ADGRV1: variants seen among roughly 807,000 people sequenced by gnomAD.
The protein encoded by ADGRV1 is adhesion G protein-coupled receptor V1.
ADGRV1 carries 359 observed loss-of-function variants against 596.2 expected under a neutral mutation model. The observed-to-expected ratio is 0.60, with a 90% CI of 0.55 to 0.66. ADGRV1 has a LOEUF of 0.66. Ranked by LOEUF, ADGRV1 falls within the 30% of genes least tolerant of loss-of-function variation. ADGRV1 has a pLI of 0.00. For missense variants in ADGRV1, 7,274 were observed against 7,575.6 expected, an observed-to-expected ratio of 0.96 and a Z score of 1.48; for synonymous variants, 2,681 against 2,679.2, an observed-to-expected ratio of 1.00 and a Z score of -0.02.
chr5:91,107,737 G>A (rs1202817144), intron 87 of ADGRV1, among the ~76,000 whole-genome samples: 1 of 152,170 alleles, frequency 6.6e-6, no homozygotes, highest in Non-Finnish European at 1.5e-5. Flanking sequence ...ATCCAATGGA[G>A]ATTAGACAAC....
intron 75 of ADGRV1, among the ~76,000 whole-genome samples, chr5:90,818,685 G>C (rs1763163991): frequency 6.7e-6 from 1 of 149,238 alleles, no homozygotes; most frequent in Non-Finnish European, 1.5e-5. Context: ...TGTGGTTTTT[G>C]TCTTTGGCTC....
intron 73 of ADGRV1, 56 bp downstream of exon 73, chr5:90,807,793 A>G: frequency 6.9e-7 from 1 of 1,440,310 alleles, no homozygotes; most frequent in Non-Finnish European, 9.3e-7. Context: ...TCTGGAATTC[A>G]TCCATCAAAA....
At chr5:90,712,871 G>A (rs147427874) in intron 42 of ADGRV1, among the ~76,000 whole-genome samples, 13 of 152,134 alleles carry the variant, frequency 8.5e-5, no homozygotes, top group African/African-American at 3.1e-4. Flanking sequence ...ATAGTGTTGA[G>A]GTATACTGAT....
chr5:90,802,847 G>A lies in ADGRV1; in HGVS notation c.14626G>A (p.Val4876Ile), dbSNP rs774111526. 6.2e-7 allele frequency: 1 copy of A among 1,609,536 alleles called. No individual in the cohort carries two copies. The highest frequency in any genetic ancestry group is 8.5e-7 in the Non-Finnish European group (1 of 1,177,998). The change falls in exon 71 of 90, where the codon GTC (valine) becomes ATC (isoleucine). Residue 4876 changes from valine (V) to isoleucine (I), a missense_variant. By Grantham distance (29) the Val-to-Ile change is conservative. Transcript: ENST00000405460. ...AATTCTTCAGGAAGCAAAATCTGCT[G>A]TCCTTCCAGTCTCTGAGAAAGCTGC... ...PTILQEAKSA[V>I]LPVSEKAANS...
At chr5:90,855,643 G>A in intron 81 of ADGRV1, 98 bp from the exon 82 acceptor site, 2 of 790,854 alleles carry the variant, frequency 2.5e-6, no homozygotes, top group Non-Finnish European at 2.0e-6. Context: ...CTTGAGCAAA[G>A]AACACTTAAT....
intron 65 of ADGRV1, 41 bp downstream of exon 65, chr5:90,781,619 C>G: frequency 2.6e-6 from 4 of 1,558,128 alleles, no homozygotes; most frequent in South Asian, 1.2e-5. Flanking sequence ...TTTACTACCA[C>G]TTTCCAAATT....
chr5:91,035,292 G>T (rs1784774292), intron 85 of ADGRV1, among the ~76,000 whole-genome samples: 2 of 152,024 alleles, frequency 1.3e-5, no homozygotes, highest in Admixed American at 1.3e-4. Flanking sequence ...ATCTTCCCTT[G>T]GTGTCACCTT....
At chr5:90,955,994 T>C (rs1777446246) in intron 83 of ADGRV1, among the ~76,000 whole-genome samples, 1 of 152,188 alleles carries the variant, frequency 6.6e-6, no homozygotes, top group South Asian at 2.1e-4. Flanking sequence ...GGTTAGGCAA[T>C]GGCCTGTGAG....
intron 59 of ADGRV1, among the ~76,000 whole-genome samples, chr5:90,763,827 T>G (rs1199041145): frequency 6.6e-6 from 1 of 152,238 alleles, no homozygotes; most frequent in African/African-American, 2.4e-5. Context: ...GGCTCCTAAT[T>G]GCATCTATGT....
Position 90,706,335 on chromosome 5 carries a change from G to T in ADGRV1, c.8671G>T (p.Gly2891Cys), listed in dbSNP as rs886043816. The T allele has an allele frequency of 3.1e-6, 5 of 1,612,704 alleles. No individual in the cohort carries two copies. The highest frequency in any genetic ancestry group is 4.2e-6 in the Non-Finnish European group (5 of 1,179,394). ...AGAAGTTGATTTTGTCCCTATCATT[G>T]GCTTTCTGATTTTAGAAGAAGGGGA... ...EPEVDFVPII[G>C]FLILEEGETA... The change falls in exon 38 of 90, where the codon GGC (glycine) becomes TGC (cysteine). Residue 2891 changes from glycine (G) to cysteine (C), a missense_variant. Gly to Cys is a radical substitution (Grantham distance 159). This residue lies in a region of ADGRV1 where 3,643 missense variants were observed against 3,809.2 expected (regional missense o/e 0.96). Coordinates refer to ENST00000405460, the MANE Select transcript of ADGRV1 (RefSeq NM_032119.4).
rs142599994 is a variant in ADGRV1, at chr5:90,656,063, A to G, written c.4379-1842A>G. Among the ~76,000 whole-genome samples, 602 of 152,282 alleles carry G rather than the reference A, an allele frequency of 4.0e-3. 5 individuals carry two copies. The highest frequency in any genetic ancestry group is 0.013 in the African/African-American group (545 of 41,578). Reference sequence around the variant, plus strand: ...AGATGCCATATTCCCTCCATGAACCACTGTAACATATTGGCATTTTTATAA... The same window carrying G: ...AGATGCCATATTCCCTCCATGAACCGCTGTAACATATTGGCATTTTTATAA... On this transcript the variant is annotated intron_variant, in intron 20 of 89. Coordinates refer to ENST00000405460, the MANE Select transcript of ADGRV1 (RefSeq NM_032119.4).
chr5:91,136,428 C>T (rs1202304713), intron 87 of ADGRV1, among the ~76,000 whole-genome samples: 1 of 152,156 alleles, frequency 6.6e-6, no homozygotes, highest in Non-Finnish European at 1.5e-5. Context: ...TATTCAACCA[C>T]GAAGATCCTG....
intron 82 of ADGRV1, among the ~76,000 whole-genome samples, chr5:90,861,937 TA>T (rs1287892981): frequency 6.6e-6 from 1 of 152,098 alleles, no homozygotes; most frequent in Non-Finnish European, 1.5e-5. Context: ...CTCCCCTACG[TA>T]AAAAACGCAT....
chr5:91,006,414 A>G (rs888300727), intron 85 of ADGRV1, among the ~76,000 whole-genome samples: 2 of 152,210 alleles, frequency 1.3e-5, no homozygotes, highest in African/African-American at 4.8e-5. Context: ...TTTGACAAAC[A>G]CCACAAACAT....
At chr5:90,906,877 C>T (rs76223918) in intron 83 of ADGRV1, among the ~76,000 whole-genome samples, 2 of 152,192 alleles carry the variant, frequency 1.3e-5, no homozygotes, top group South Asian at 4.2e-4. Context: ...GGCAGAATTG[C>T]TAGACTCATG....
At chr5:91,138,843 C>T (rs1043037328) in intron 87 of ADGRV1, among the ~76,000 whole-genome samples, 14 of 151,424 alleles carry the variant, frequency 9.2e-5, no homozygotes, top group African/African-American at 3.2e-4. Context: ...ACCATCTCGG[C>T]TCACTGCAAC....
chr5:90,574,495 T>C (rs181304458), intron 1 of ADGRV1, among the ~76,000 whole-genome samples: 12 of 152,314 alleles, frequency 7.9e-5, no homozygotes, highest in Admixed American at 6.5e-4. Context: ...TGTACATTGA[T>C]TTTGTATCCT....
Position 90,728,704 on chromosome 5 carries a change from T to A in ADGRV1, c.10197T>A (p.His3399Gln), listed in dbSNP as rs1384110330. ...GGAATGGAGGAAGCTTCGTGTTGCATCAAAAACTCCCTGTCCGAGGTGTGC... is the reference window on the plus strand; with the variant it reads ...GGAATGGAGGAAGCTTCGTGTTGCAACAAAAACTCCCTGTCCGAGGTGTGC... Reference protein sequence around the residue: ...FRWNGGSFVLHQKLPVRGVLT... With the variant: ...FRWNGGSFVLQQKLPVRGVLT... The change falls in exon 49 of 90, where the codon CAT becomes CAA. Residue 3399 changes from histidine to glutamine, a missense_variant. Physicochemically the swap from His to Gln is conservative, Grantham distance 24. Transcript: ENST00000405460. The A allele has an allele frequency of 6.2e-7, 1 of 1,612,532 alleles. No individual in the cohort carries two copies. Among genetic ancestry groups the A allele is most frequent in the South Asian group, 1.1e-5 (1 of 90,940 alleles).
At chr5:91,081,685 C>T (rs1789398663) in intron 86 of ADGRV1, among the ~76,000 whole-genome samples, 1 of 152,048 alleles carries the variant, frequency 6.6e-6, no homozygotes, top group Non-Finnish European at 1.5e-5. Context: ...ACTTGGGAGG[C>T]TGAGGCAGGA....
Sources: gnomAD v4.1 joint callset for allele counts (sites outside exome capture counted in the v4.1 genomes callset) on GRCh38, gnomAD v4.1.1 for gene constraint, gnomAD v4.1.1 regional missense constraint, MANE v1.5 for transcripts, NCBI Gene and HGNC (gene_info 2026-07-23, HGNC 2026-07-21) for gene names.